Variants in TBL1XR1 observed in about 807,000 individuals in gnomAD.
TBL1XR1 encodes TBL1X/Y related 1.
A neutral mutation model predicts 66.9 loss-of-function variants in TBL1XR1; 5 were observed. The observed-to-expected ratio is 0.07, with a 90% confidence interval of 0.04 to 0.16. The LOEUF is 0.16. Ranked by LOEUF, TBL1XR1 falls within the 10% of genes least tolerant of loss-of-function variation. TBL1XR1 has a pLI of 1.00. For synonymous variants in TBL1XR1, 210 were observed against 206.0 expected (o/e 1.02, Z -0.17); for missense variants, 238 against 623.2 (o/e 0.38, Z 6.58).
chr3:177,112,502 A>G (rs1008890899), intron 1 of TBL1XR1, among the ~76,000 whole-genome samples: 1 of 152,150 alleles, frequency 6.6e-6, no homozygotes, highest in Non-Finnish European at 1.5e-5. Context: ...TTATGCATAC[A>G]GATTGAGATC....
intron 1 of TBL1XR1, among the ~76,000 whole-genome samples, chr3:177,119,803 C>T (rs1394874522): frequency 1.3e-5 from 2 of 152,200 alleles, no homozygotes; most frequent in African/African-American, 4.8e-5. Flanking sequence ...ATCCTTGGTC[C>T]TGTGTATTGA....
chr3:177,107,535 A>G (rs1052269004), intron 1 of TBL1XR1, among the ~76,000 whole-genome samples: 3 of 152,200 alleles, frequency 2.0e-5, no homozygotes, highest in African/African-American at 7.2e-5. Context: ...ATTCTGGAGA[A>G]TGCCAAGTTC....
At chr3:177,112,711 C>G (rs890538244) in intron 1 of TBL1XR1, among the ~76,000 whole-genome samples, 6 of 151,980 alleles carry the variant, frequency 3.9e-5, no homozygotes, top group Non-Finnish European at 8.8e-5. Flanking sequence ...TTTGTGAAAG[C>G]CCTCAAAGAC....
intron 1 of TBL1XR1, among the ~76,000 whole-genome samples, chr3:177,100,300 A>G (rs1724035856): frequency 1.3e-5 from 2 of 152,228 alleles, no homozygotes; most frequent in Non-Finnish European, 1.5e-5. Context: ...TTACAGTGCT[A>G]TAATATTTTT....
At chr3:177,112,107 A>ATTTTTTTTTT (rs71170852) in intron 1 of TBL1XR1, among the ~76,000 whole-genome samples, 21 of 37,650 alleles carry the variant, frequency 5.6e-4, no homozygotes, top group Non-Finnish European at 5.8e-4. Context: ...ATATATATAT[A>ATTTTTTTTTT]TTTTTTTTTT....
intron 1 of TBL1XR1, among the ~76,000 whole-genome samples, chr3:177,130,559 T>C (rs1728179590): frequency 6.6e-6 from 1 of 152,152 alleles, no homozygotes; most frequent in Admixed American, 6.6e-5. Flanking sequence ...GAAGGACACA[T>C]AAAAAACTAA....
At chr3:177,092,959 T>C (rs1464660061) in intron 2 of TBL1XR1, among the ~76,000 whole-genome samples, 3 of 152,112 alleles carry the variant, frequency 2.0e-5, no homozygotes, top group Non-Finnish European at 4.4e-5. Context: ...CTGGAAGTCC[T>C]AGCCAGAGCA....
At chr3:177,199,634 C>G (rs969232639), upstream of TBL1XR1, among the ~76,000 whole-genome samples, 4 of 152,026 alleles carry the variant, frequency 2.6e-5, no homozygotes, top group Non-Finnish European at 2.9e-5. Context: ...CTGCCCACCC[C>G]ACCCCTTCTC....
At position 177,020,295 on chromosome 3, in the gene TBL1XR1, T is replaced by G. The variant is rs1712184619; in HGVS notation, c.*5203A>C. On this transcript the variant is annotated 3_prime_UTR_variant, in exon 16 of 16. Transcript: ENST00000457928. ...TTCAGCTTCTGTGAAATAACGTCTTTTAAATACAATATTTATTTTTCAAAA... is the reference window on the plus strand; with the variant it reads ...TTCAGCTTCTGTGAAATAACGTCTTGTAAATACAATATTTATTTTTCAAAA... 1 of 152,146 alleles carries G rather than the reference T, an allele frequency of 6.6e-6. No individual in the cohort carries two copies. The highest frequency in any genetic ancestry group is 2.1e-4 in the South Asian group (1 of 4,826). The allele number at this position is 152,146 out of a possible 1,614,324, so 9.4% of individuals were successfully genotyped here.
intron 2 of TBL1XR1, among the ~76,000 whole-genome samples, chr3:177,069,856 A>AAGGAAGGAAGGAAGGAAGGAAG (rs1486024858): frequency 1.1e-4 from 13 of 115,174 alleles, no homozygotes; most frequent in African/African-American, 3.4e-5. Context: ...AAGGAAGGAA[A>AAGGAAGGAAGGAAGGAAGGAAG]AACAACACAC....
chr3:177,144,433 C>T (rs1375112299), intron 1 of TBL1XR1, among the ~76,000 whole-genome samples: 2 of 152,114 alleles, frequency 1.3e-5, no homozygotes, highest in African/African-American at 4.8e-5. Context: ...GTTGCAACTA[C>T]TCAACTGTGT....
intron 1 of TBL1XR1, among the ~76,000 whole-genome samples, chr3:177,178,200 C>G (rs1360863922): frequency 6.6e-6 from 1 of 152,114 alleles, no homozygotes. Context: ...CCAGATCGCA[C>G]AGCAGAGTTT....
At chr3:177,111,754 A>G (rs1725592233) in intron 1 of TBL1XR1, among the ~76,000 whole-genome samples, 1 of 152,022 alleles carries the variant, frequency 6.6e-6, no homozygotes, top group Non-Finnish European at 1.5e-5. Context: ...GGCTGTTAAT[A>G]TTGACATTTC....
At chr3:177,175,935 T>C (rs745481711) in intron 1 of TBL1XR1, among the ~76,000 whole-genome samples, 36 of 151,400 alleles carry the variant, frequency 2.4e-4, no homozygotes, top group Non-Finnish European at 4.7e-4. Context: ...TGGGCGCCTG[T>C]AGTCCCAGCT....
At chr3:177,163,132 G>A (rs1732420513) in intron 1 of TBL1XR1, among the ~76,000 whole-genome samples, 2 of 152,172 alleles carry the variant, frequency 1.3e-5, no homozygotes, top group Admixed American at 6.6e-5. Flanking sequence ...CACAGACTGA[G>A]GCAACCTGAA....
chr3:177,102,587 C>CT (rs1465007239), intron 1 of TBL1XR1, among the ~76,000 whole-genome samples: 2 of 152,290 alleles, frequency 1.3e-5, no homozygotes, highest in South Asian at 2.1e-4. Context: ...ACTATTGAAA[C>CT]TATTTGTATT....
At chr3:177,064,870 T>G in intron 3 of TBL1XR1, 50 bp downstream of exon 3, 4 of 1,220,282 alleles carry the variant, frequency 3.3e-6, no homozygotes, top group Non-Finnish European at 4.6e-6. Flanking sequence ...AAGATTATTT[T>G]GAGAATATTA....
chr3:177,176,534 TG>T (rs1734174937), intron 1 of TBL1XR1, among the ~76,000 whole-genome samples: 1 of 149,850 alleles, frequency 6.7e-6, no homozygotes, highest in African/African-American at 2.4e-5. Context: ...TGATTATGGC[TG>T]GGCAAGCTGG....
intron 1 of TBL1XR1, among the ~76,000 whole-genome samples, chr3:177,156,964 C>G (rs1236060696): frequency 6.6e-6 from 1 of 152,192 alleles, no homozygotes; most frequent in Non-Finnish European, 1.5e-5. Flanking sequence ...TAGCTTAAAA[C>G]AACACAAATT....
Sources: gnomAD v4.1 joint callset for allele counts (sites outside exome capture counted in the v4.1 genomes callset) on GRCh38, gnomAD v4.1.1 for gene constraint, MANE v1.5 for transcripts, NCBI Gene and HGNC (gene_info 2026-07-23, HGNC 2026-07-21) for gene names.